ATP11A: variants seen among roughly 807,000 people sequenced by gnomAD.
The protein encoded by ATP11A is phospholipid-transporting ATPase IH.
ATP11A carries 81 observed loss-of-function variants against 154.4 expected under a neutral mutation model. That is an observed-to-expected ratio of 0.52 (90% confidence interval 0.44 to 0.63). The LOEUF is 0.63. Among genes scored for constraint, ATP11A ranks in the 30% least tolerant of loss-of-function variants. The probability of loss-of-function intolerance (pLI) is 0.00; values close to 1 mark genes in which losing one functional copy is unlikely to be tolerated. For missense variants in ATP11A, 1,316 were observed against 1,474.3 expected (o/e 0.89, Z 1.76); for synonymous variants, 623 against 585.9 (o/e 1.06, Z -0.91).
chr13:112,754,356 C>T lies in ATP11A; in HGVS notation c.40-30779C>T, dbSNP rs1194995584. On this transcript the variant is annotated intron_variant, in intron 1 of 29. Coordinates refer to ENST00000375645, the MANE Select transcript of ATP11A (RefSeq NM_015205.3). The surrounding 1 kb of genome is among the most constrained non-coding windows in gnomAD (Gnocchi z 5.3). ...CCTCTGCATATGCCTCCAGATAACG[C>T]TCGCCATGTTTGGGGTGTATGAGCA... The T allele has an allele frequency of 6.6e-6, 1 of 152,282 alleles. No individual in the cohort carries two copies. Among genetic ancestry groups the T allele is most frequent in the East Asian group, 1.9e-4 (1 of 5,206 alleles). The allele number at this position is 152,282 out of a possible 1,614,324, so 9.4% of individuals were successfully genotyped here. A position where few individuals can be genotyped will look rare whatever the true frequency, so the allele number is the denominator to read the frequency against.
intron 1 of ATP11A, among the ~76,000 whole-genome samples, chr13:112,730,402 G>C (rs538702590): frequency 6.6e-6 from 1 of 152,246 alleles, no homozygotes. Flanking sequence ...TGTTCTCAAA[G>C]AGCCAGCTGA....
chr13:112,734,218 G>A (rs1201209600), intron 1 of ATP11A, among the ~76,000 whole-genome samples: 1 of 152,060 alleles, frequency 6.6e-6, no homozygotes, highest in Non-Finnish European at 1.5e-5. Flanking sequence ...ATGGACATGC[G>A]AGCTCAGCTG....
At chr13:112,748,942 A>G (rs1384384769) in intron 1 of ATP11A, among the ~76,000 whole-genome samples, 4 of 152,206 alleles carry the variant, frequency 2.6e-5, no homozygotes, top group Non-Finnish European at 2.9e-5. Flanking sequence ...CTTTGCGGCT[A>G]TGTGCCTCAC....
At chr13:112,806,088 G>T in intron 3 of ATP11A, 125 bp from the exon 4 acceptor site, 1 of 647,954 alleles carries the variant, frequency 1.5e-6, no homozygotes, top group South Asian at 2.0e-5. Flanking sequence ...TGGGCAGTCA[G>T]GTGCCAGCAA....
intron 1 of ATP11A, among the ~76,000 whole-genome samples, chr13:112,773,379 G>A (rs981309332): frequency 4.6e-5 from 7 of 152,164 alleles, no homozygotes; most frequent in Admixed American, 2.0e-4. Context: ...AGGAAATGCC[G>A]CCTCTCTCTG....
chr13:112,726,486 C>T (rs977151228), intron 1 of ATP11A, among the ~76,000 whole-genome samples: 1 of 152,222 alleles, frequency 6.6e-6, no homozygotes, highest in Admixed American at 6.5e-5. Flanking sequence ...AGTTGTACTT[C>T]CGAGAGCTTT....
In ATP11A at chr13:112,870,402, G is replaced by C. The variant is rs1594236469; in HGVS notation, c.2992-1333G>C. 4.6e-5 allele frequency among the ~76,000 whole-genome samples: 7 copies of C among 152,282 alleles called. 1 individual carries two copies. In the South Asian group the frequency reaches 1.5e-3, roughly 32 times the overall value. ...TTGTATTCCAGCTTTTTAAGAGACA[G>C]AGTCTGTGCTCTGTCGCCCACGTTG... On this transcript the variant is annotated intron_variant, in intron 25 of 29. Coordinates refer to ENST00000375645, the MANE Select transcript of ATP11A (RefSeq NM_015205.3).
intron 1 of ATP11A, among the ~76,000 whole-genome samples, chr13:112,757,491 A>ATT (rs112741681): frequency 0.014 from 2,117 of 152,348 alleles, 44 homozygotes; most frequent in African/African-American, 0.04. Flanking sequence ...TAGCTTCTCT[A>ATT]TTTCCACATT....
At chr13:112,824,307 G>A (rs1374116927) in intron 9 of ATP11A, 37 bp from the exon 10 acceptor site, 1 of 1,539,324 alleles carries the variant, frequency 6.5e-7, no homozygotes, top group Non-Finnish European at 9.0e-7. Context: ...AGACACACTT[G>A]CGCCCTGGTC....
chr13:112,862,413 C>T lies in ATP11A; in HGVS notation c.2856-27C>T, dbSNP rs537374215. 7.4e-6 allele frequency: 12 copies of T among 1,612,224 alleles called. No homozygotes were observed. In the South Asian group the frequency reaches 1.3e-4, roughly 18 times the overall value. On this transcript the variant is annotated intron_variant, in intron 24 of 29. Coordinates refer to ENST00000375645, the MANE Select transcript of ATP11A (RefSeq NM_015205.3). Reference sequence around the variant, plus strand: ...TGCCGGGCCCTGATTCTCGAGGACACACGCTGTGCACCTTTCTCCTCACCA... The same window carrying T: ...TGCCGGGCCCTGATTCTCGAGGACATACGCTGTGCACCTTTCTCCTCACCA...
intron 1 of ATP11A, among the ~76,000 whole-genome samples, chr13:112,764,210 C>T (rs950229436): frequency 6.6e-6 from 1 of 152,124 alleles, no homozygotes; most frequent in African/African-American, 2.4e-5. Flanking sequence ...CACGGTGGTG[C>T]CTCTGCATTC....
chr13:112,691,387 C>G (rs1441965014), intron 1 of ATP11A, among the ~76,000 whole-genome samples: 1 of 151,044 alleles, frequency 6.6e-6, no homozygotes, highest in Non-Finnish European at 1.5e-5. Flanking sequence ...TCGCTTGAAC[C>G]CGGGAGGCGG....
intron 1 of ATP11A, among the ~76,000 whole-genome samples, chr13:112,778,323 C>T (rs61961152): frequency 0.3 from 46,142 of 152,120 alleles, 8,068 homozygotes; most frequent in Middle Eastern, 0.45. Flanking sequence ...GCTTTGAAAG[C>T]CCCGGCACAC....
intron 1 of ATP11A, among the ~76,000 whole-genome samples, chr13:112,726,547 G>C (rs1889911450): frequency 6.6e-6 from 1 of 152,216 alleles, no homozygotes; most frequent in South Asian, 2.1e-4. Flanking sequence ...GAGCCCAAAG[G>C]GGCCGTCTGG....
intron 2 of ATP11A, among the ~76,000 whole-genome samples, chr13:112,795,470 C>CA (rs2077976843): frequency 6.6e-6 from 1 of 152,208 alleles, no homozygotes; most frequent in Non-Finnish European, 1.5e-5. Flanking sequence ...TGTGGCCAGC[C>CA]TGTTGCATCT....
At chr13:112,846,941 CCCT>C (rs1361818345) in intron 17 of ATP11A, among the ~76,000 whole-genome samples, 3 of 152,218 alleles carry the variant, frequency 2.0e-5, no homozygotes, top group Admixed American at 2.0e-4. Context: ...GGCTGTCCCA[CCCT>C]CCTCCTAATG....
chr13:112,881,371 C>A, intron 29 of ATP11A: 1 of 1,040,334 alleles, frequency 9.6e-7, no homozygotes, highest in Non-Finnish European at 1.2e-6. Context: ...CTAAATCAAC[C>A]CGGTCCCTGT....
chr13:112,730,764 G>T (rs1890403710), intron 1 of ATP11A, among the ~76,000 whole-genome samples: 1 of 152,220 alleles, frequency 6.6e-6, no homozygotes, highest in Admixed American at 6.5e-5. Context: ...GGGGGAAAGG[G>T]TAGAAAACTG....
chr13:112,831,612 C>T (rs1460388146), intron 13 of ATP11A, 64 bp downstream of exon 13: 4 of 1,549,572 alleles, frequency 2.6e-6, no homozygotes, highest in African/African-American at 2.7e-5. Flanking sequence ...ATGCTGAGTC[C>T]ACCCCTTTTC....
Sources: allele counts gnomAD v4.1 joint callset (sites outside exome capture counted in the v4.1 genomes callset), GRCh38; gene constraint gnomAD v4.1.1; non-coding constraint Gnocchi (gnomAD v3.1); transcripts MANE v1.5; gene names NCBI Gene and HGNC (gene_info 2026-07-23, HGNC 2026-07-21).